TMEM164: variants seen among roughly 807,000 people sequenced by gnomAD.
TMEM164 encodes the protein RP13-360B22.2.
In TMEM164, 4 loss-of-function variants were observed where a neutral mutation model predicts 18.8. That is an observed-to-expected ratio of 0.21 (90% CI 0.10 to 0.49). The LOEUF is 0.49. Among genes scored for constraint, TMEM164 ranks in the 20% least tolerant of loss-of-function variants. The pLI is 0.98. For synonymous variants in TMEM164, 86 were observed against 101.7 expected, an observed-to-expected ratio of 0.85 and a Z score of 0.93; for missense variants, 108 against 239.9, an observed-to-expected ratio of 0.45 and a Z score of 3.63.
At chrX:110,097,921 T>G (rs972426067) in intron 3 of TMEM164, among the ~76,000 whole-genome samples, 2 of 112,277 alleles carry the variant, frequency 1.8e-5, no homozygotes, top group African/African-American at 6.5e-5. Flanking sequence ...TTTTGTTCAA[T>G]TATCATACAG....
intron 2 of TMEM164, among the ~76,000 whole-genome samples, chrX:110,025,504 C>T (rs984655590): frequency 8.9e-6 from 1 of 112,396 alleles, no homozygotes; most frequent in Admixed American, 9.4e-5. Flanking sequence ...CTTATTCTCA[C>T]CTAGGTCTGG....
At chrX:110,036,456 A>G (rs1382447175) in intron 2 of TMEM164, among the ~76,000 whole-genome samples, 3 of 111,901 alleles carry the variant, frequency 2.7e-5, no homozygotes. Flanking sequence ...TATGGCATGG[A>G]CACTGGGTAA....
chrX:110,008,767 C>T (rs1346775711), intron 2 of TMEM164, among the ~76,000 whole-genome samples: 4 of 111,337 alleles, frequency 3.6e-5, no homozygotes, highest in Non-Finnish European at 7.5e-5. Flanking sequence ...CTATCTCAGT[C>T]TTCTCTGTGA....
At chrX:110,149,036 A>G (rs1366364973) in intron 5 of TMEM164, among the ~76,000 whole-genome samples, 1 of 110,685 alleles carries the variant, frequency 9.0e-6, no homozygotes. Flanking sequence ...TATCCACGTA[A>G]CCATGTGTGT....
At chrX:110,057,158 T>C (rs1431725029) in intron 2 of TMEM164, among the ~76,000 whole-genome samples, 1 of 111,553 alleles carries the variant, frequency 9.0e-6, no homozygotes, top group Admixed American at 9.6e-5. Flanking sequence ...TAAAACTTTG[T>C]ACTTTTTGAC....
At chrX:110,071,436 A>T (rs1230369296) in intron 3 of TMEM164, among the ~76,000 whole-genome samples, 3 of 109,969 alleles carry the variant, frequency 2.7e-5, no homozygotes, top group Non-Finnish European at 5.7e-5. Flanking sequence ...GTTTTGAACT[A>T]CTCTTACATT....
At chrX:110,130,878 G>T (rs765327385) in intron 4 of TMEM164, among the ~76,000 whole-genome samples, 1 of 111,556 alleles carries the variant, frequency 9.0e-6, no homozygotes, top group Non-Finnish European at 1.9e-5. Context: ...TCTGGGAGCA[G>T]GCTTGGAGCC....
At chrX:110,172,387 G>A (rs1008293541) in intron 6 of TMEM164, among the ~76,000 whole-genome samples, 4 of 111,939 alleles carry the variant, frequency 3.6e-5, no homozygotes, top group African/African-American at 9.8e-5. Context: ...GTGGAGCCTC[G>A]CGTGACCTAG....
intron 3 of TMEM164, among the ~76,000 whole-genome samples, chrX:110,096,615 T>C (rs183980573): frequency 5.9e-4 from 66 of 112,335 alleles, no homozygotes; most frequent in Non-Finnish European, 1.1e-3. Flanking sequence ...GAAAGGGAAT[T>C]CCCCGACCCC....
chrX:110,104,793 G>T (rs747838254), intron 3 of TMEM164, among the ~76,000 whole-genome samples: 4 of 111,683 alleles, frequency 3.6e-5, no homozygotes, highest in African/African-American at 6.5e-5. Flanking sequence ...TCAACAGTAA[G>T]CTATTGGTAG....
At chrX:110,074,758 A>G (rs1185214240) in intron 3 of TMEM164, among the ~76,000 whole-genome samples, 1 of 111,717 alleles carries the variant, frequency 9.0e-6, no homozygotes, top group Non-Finnish European at 1.9e-5. Flanking sequence ...GCTGAACATC[A>G]CATAGTTGTA....
intron 4 of TMEM164, among the ~76,000 whole-genome samples, chrX:110,121,647 G>T (rs887998167): frequency 3.6e-5 from 4 of 112,178 alleles, no homozygotes; most frequent in African/African-American, 9.7e-5. Context: ...TTGTTAATAT[G>T]CTGCTATGAA....
downstream of TMEM164, among the ~76,000 whole-genome samples, chrX:110,181,758 A>G (rs1433548656): frequency 8.9e-6 from 1 of 112,666 alleles, no homozygotes; most frequent in African/African-American, 3.2e-5. Flanking sequence ...AGCTTACCCC[A>G]CAGGACATCT....
chrX:110,029,613 C>A (rs1456557930), intron 2 of TMEM164, among the ~76,000 whole-genome samples: 1 of 112,155 alleles, frequency 8.9e-6, no homozygotes, highest in African/African-American at 3.2e-5. Context: ...GCTATTCCCC[C>A]TTTTATTAGA....
intron 5 of TMEM164, among the ~76,000 whole-genome samples, chrX:110,159,185 G>T (rs2067057898): frequency 1.8e-5 from 2 of 110,951 alleles, no homozygotes; most frequent in Admixed American, 1.9e-4. Flanking sequence ...ATAGAAGTGT[G>T]GGGAGAGGGG....
chrX:110,171,633 G>A, intron 6 of TMEM164, 113 bp downstream of exon 6: 1 of 633,231 alleles, frequency 1.6e-6, no homozygotes. Flanking sequence ...AGATGCTAAA[G>A]GCCAGGATGT....
intron 3 of TMEM164, among the ~76,000 whole-genome samples, chrX:110,072,178 G>C (rs749002433): frequency 9.3e-6 from 1 of 107,115 alleles, no homozygotes; most frequent in Admixed American, 1.0e-4. Flanking sequence ...GCAGGTGCCT[G>C]TAATCCCAGC....
At chrX:110,041,909 A>G (rs1046646720) in intron 2 of TMEM164, among the ~76,000 whole-genome samples, 7 of 111,506 alleles carry the variant, frequency 6.3e-5, no homozygotes, top group African/African-American at 2.0e-4. Context: ...TGATTGTGGG[A>G]TTTTTTAAGA....
At chrX:110,104,862 C>G (rs1174173044) in intron 3 of TMEM164, among the ~76,000 whole-genome samples, 1 of 110,814 alleles carries the variant, frequency 9.0e-6, no homozygotes, top group Non-Finnish European at 1.9e-5. Context: ...GGAGTCAGTG[C>G]CCCTAACCTC....
Sources: allele counts gnomAD v4.1 joint callset (sites outside exome capture counted in the v4.1 genomes callset), GRCh38; gene constraint gnomAD v4.1.1; transcripts MANE v1.5; gene names NCBI Gene and HGNC (gene_info 2026-07-23, HGNC 2026-07-21).